The following TRIM33 variants were observed in gnomAD, a reference collection of about 807,000 sequenced individuals.
TRIM33 encodes the protein tripartite motif containing 33.
TRIM33 carries 20 observed loss-of-function variants against 125.4 expected under a neutral mutation model. That is an observed-to-expected ratio of 0.16 (90% CI 0.11 to 0.23). The LOEUF is 0.23. TRIM33 is among the 10% of genes least tolerant of loss of function. The pLI is 1.00. For missense variants in TRIM33, 920 were observed against 1,411.4 expected (o/e 0.65, Z 5.58); for synonymous variants, 564 against 513.9 (o/e 1.10, Z -1.32).
intron 1 of TRIM33, among the ~76,000 whole-genome samples, chr1:114,477,354 A>C (rs373969881): frequency 5.3e-5 from 8 of 152,226 alleles, no homozygotes; most frequent in Admixed American, 1.3e-4. Flanking sequence ...AAGGAAAAAA[A>C]AAAAACAAAA....
intron 7 of TRIM33, 41 bp downstream of exon 7, chr1:114,427,707 T>G (rs371620368): frequency 5.0e-6 from 8 of 1,586,514 alleles, no homozygotes; most frequent in African/African-American, 1.3e-5. Context: ...TATATCTTAA[T>G]AAAGTCCATT....
At chr1:114,481,180 G>T (rs564928112) in intron 1 of TRIM33, among the ~76,000 whole-genome samples, 21 of 149,946 alleles carry the variant, frequency 1.4e-4, no homozygotes, top group African/African-American at 5.1e-4. Flanking sequence ...CTCCAAAAAA[G>T]AAAGAAGAAA....
Position 114,397,620 on chromosome 1 carries a change from T to TTTTTA in TRIM33, c.*27_*28insTAAAA. The TTTTTA allele has an allele frequency of 8.4e-7, 1 of 1,197,244 alleles. No individual in the cohort carries two copies. Among genetic ancestry groups the TTTTTA allele is most frequent in the Non-Finnish European group, 1.2e-6 (1 of 840,724 alleles). 74.2% of individuals were successfully genotyped at this position (1,197,244 alleles called of 1,614,324 possible). On this transcript the variant is annotated 3_prime_UTR_variant, in exon 20 of 20. Coordinates refer to ENST00000358465, the MANE Select transcript of TRIM33 (RefSeq NM_015906.4). ...TTTTTTTTTTTCGTTTTTTTTTTTT[T>TTTTTA]AAACAATTGATTTAAATCCATGTCA...
At chr1:114,460,526 C>G (rs1275143929) in intron 4 of TRIM33, among the ~76,000 whole-genome samples, 1 of 143,798 alleles carries the variant, frequency 7.0e-6, no homozygotes, top group Non-Finnish European at 1.5e-5. Context: ...AAGCCTGTTT[C>G]AATTGGCATG....
chr1:114,438,290 C>T (rs937173730), intron 4 of TRIM33, among the ~76,000 whole-genome samples: 4 of 152,122 alleles, frequency 2.6e-5, no homozygotes, highest in African/African-American at 9.7e-5. Flanking sequence ...AATAAGAGAA[C>T]CTTTTTAATA....
chr1:114,417,899 G>T (rs942831179), intron 11 of TRIM33, among the ~76,000 whole-genome samples: 2 of 151,986 alleles, frequency 1.3e-5, no homozygotes, highest in African/African-American at 4.8e-5. Context: ...CAGGTGATCT[G>T]CCTGCCTCAG....
At chr1:114,459,497 T>C (rs972318842) in intron 4 of TRIM33, among the ~76,000 whole-genome samples, 5 of 152,168 alleles carry the variant, frequency 3.3e-5, no homozygotes, top group African/African-American at 1.2e-4. Flanking sequence ...GAGCTGGGCA[T>C]GGTGATATGC....
intron 1 of TRIM33, among the ~76,000 whole-genome samples, chr1:114,465,550 G>A (rs1650239707): frequency 6.6e-6 from 1 of 152,146 alleles, no homozygotes; most frequent in Non-Finnish European, 1.5e-5. Flanking sequence ...GCTCATGCCT[G>A]TAATCCCAAC....
chr1:114,502,507 T>C (rs1332194896), intron 1 of TRIM33, among the ~76,000 whole-genome samples: 1 of 152,190 alleles, frequency 6.6e-6, no homozygotes, highest in East Asian at 1.9e-4. Context: ...GTTTACTTTA[T>C]TACTAGTTTT....
At chr1:114,482,886 G>T (rs1313859954) in intron 1 of TRIM33, among the ~76,000 whole-genome samples, 1 of 152,212 alleles carries the variant, frequency 6.6e-6, no homozygotes, top group Non-Finnish European at 1.5e-5. Flanking sequence ...TGCACAGCAG[G>T]AAGAACCAGA....
intron 1 of TRIM33, among the ~76,000 whole-genome samples, chr1:114,465,028 T>C (rs1389127916): frequency 6.6e-6 from 1 of 152,228 alleles, no homozygotes; most frequent in East Asian, 1.9e-4. Flanking sequence ...TCCATAATGG[T>C]AAAACAGTAA....
At chr1:114,463,292 T>G (rs1256740466) in intron 3 of TRIM33, 56 bp from the exon 4 acceptor site, 15 of 1,562,020 alleles carry the variant, frequency 9.6e-6, no homozygotes, top group Non-Finnish European at 1.3e-5. Context: ...TTGTCTAGTT[T>G]TCTAAATTCC....
intron 15 of TRIM33, 170 bp downstream of exon 15, chr1:114,405,239 TA>T (rs1652160221): frequency 3.4e-6 from 2 of 585,842 alleles, no homozygotes; most frequent in Non-Finnish European, 3.0e-6. Context: ...ACTTAGATCT[TA>T]GATATTTTAT....
rs529084716 is a variant in TRIM33, at chr1:114,393,152, T to C, written c.*4496A>G. 10 of 214,176 alleles carry C rather than the reference T, an allele frequency of 4.7e-5. No homozygotes were observed. The highest frequency in any genetic ancestry group is 1.5e-3 in the Middle Eastern group (1 of 678). 13.3% of individuals were successfully genotyped at this position (214,176 alleles called of 1,614,324 possible). ...AATAATAATGAGGGGAGGAGACCAA[T>C]TGAAATACTGGAAGCAAGGAACTAG... On this transcript the variant is annotated 3_prime_UTR_variant, in exon 20 of 20. Coordinates refer to ENST00000358465, the MANE Select transcript of TRIM33 (RefSeq NM_015906.4).
chr1:114,402,103 C>T (rs186265746), intron 16 of TRIM33, among the ~76,000 whole-genome samples: 1 of 152,222 alleles, frequency 6.6e-6, no homozygotes, highest in East Asian at 1.9e-4. Flanking sequence ...GACCACACGA[C>T]AATGCAAAAG....
Position 114,481,639 on chromosome 1 carries a change from A to ATATATG in TRIM33, c.527-17252_527-17251insCATATA, listed in dbSNP as rs1553220465. On this transcript the variant is annotated intron_variant, in intron 1 of 19. Transcript: ENST00000358465. ...AAAAAAGAAAAAAAACTATATATAT[A>ATATATG]TGTGTGTGTGTGTGTGTGTGTGTAT... Among the ~76,000 whole-genome samples the ATATATG allele has an allele frequency of 3.2e-4, 45 of 142,412 alleles. 1 individual carries two copies. The highest frequency in any genetic ancestry group is 1.1e-3 in the African/African-American group (42 of 38,042). 93.4% of individuals were successfully genotyped at this position (142,412 alleles called of 152,430 possible).
At chr1:114,439,854 T>G (rs562594549) in intron 4 of TRIM33, among the ~76,000 whole-genome samples, 1 of 152,174 alleles carries the variant, frequency 6.6e-6, no homozygotes, top group Non-Finnish European at 1.5e-5. Flanking sequence ...GATTTCTTGA[T>G]GGAAACAATG....
intron 11 of TRIM33, among the ~76,000 whole-genome samples, chr1:114,413,583 AG>A (rs1557849247): frequency 1.2e-4 from 16 of 135,396 alleles, no homozygotes; most frequent in African/African-American, 4.6e-4. Context: ...AGAAAAGAAA[AG>A]AAAAAGACTT....
At chr1:114,475,229 C>A (rs1166958656) in intron 1 of TRIM33, among the ~76,000 whole-genome samples, 1 of 152,128 alleles carries the variant, frequency 6.6e-6, no homozygotes, top group Admixed American at 6.5e-5. Flanking sequence ...GAAATAAAAA[C>A]AATGAGAAAT....
Sources: gnomAD v4.1 joint callset for allele counts (sites outside exome capture counted in the v4.1 genomes callset) on GRCh38, gnomAD v4.1.1 for gene constraint, MANE v1.5 for transcripts, NCBI Gene and HGNC (gene_info 2026-07-23, HGNC 2026-07-21) for gene names.